The following RGS7 variants were observed in gnomAD, a reference collection of about 807,000 sequenced individuals.
The protein encoded by RGS7 is regulator of G protein signaling 7.
Under a neutral mutation model 81.1 loss-of-function variants are expected in RGS7, and 27 were observed. The observed-to-expected ratio is 0.33, with a 90% confidence interval of 0.25 to 0.46. RGS7 has a LOEUF of 0.46. RGS7 is among the 20% of genes least tolerant of loss of function. The probability of loss-of-function intolerance (pLI) is 1.00; values close to 1 mark genes in which losing one functional copy is unlikely to be tolerated. For synonymous variants in RGS7, 208 were observed against 207.7 expected, an observed-to-expected ratio of 1.00 and a Z score of -0.01; for missense variants, 396 against 607.4, an observed-to-expected ratio of 0.65 and a Z score of 3.66.
intron 2 of RGS7, among the ~76,000 whole-genome samples, chr1:241,187,413 T>C (rs575010486): frequency 6.6e-6 from 1 of 152,312 alleles, no homozygotes; most frequent in East Asian, 1.9e-4. Context: ...AGATTTACAC[T>C]AAGAATTAGA....
At chr1:240,899,323 CATT>C (rs1471359267) in intron 6 of RGS7, among the ~76,000 whole-genome samples, 1 of 152,158 alleles carries the variant, frequency 6.6e-6, no homozygotes, top group Non-Finnish European at 1.5e-5. Flanking sequence ...TTGATCCTGT[CATT>C]ATGATGTTCG....
At chr1:240,809,611 C>G (rs143497508) in intron 14 of RGS7, among the ~76,000 whole-genome samples, 2 of 152,124 alleles carry the variant, frequency 1.3e-5, no homozygotes, top group East Asian at 3.8e-4. Context: ...TCCTCAGCCA[C>G]GCTTTTCTCA....
intron 3 of RGS7, among the ~76,000 whole-genome samples, chr1:241,033,045 G>A (rs1447035476): frequency 6.6e-6 from 1 of 152,132 alleles, no homozygotes; most frequent in Admixed American, 6.6e-5. Context: ...CGGAAAAGTG[G>A]AAGTTCTGCT....
At chr1:240,994,731 A>G (rs547189641) in intron 3 of RGS7, among the ~76,000 whole-genome samples, 46 of 152,106 alleles carry the variant, frequency 3.0e-4, no homozygotes, top group African/African-American at 9.4e-4. Flanking sequence ...CTTGTTCTCA[A>G]TTTTAGAGGA....
intron 3 of RGS7, among the ~76,000 whole-genome samples, chr1:241,043,412 ATTT>A (rs143931955): frequency 0.07 from 10,640 of 151,190 alleles, 562 homozygotes; most frequent in African/African-American, 0.14. Context: ...GTTACTTTGT[ATTT>A]TTGTTATTTG....
chr1:240,989,628 A>G (rs1686171587), intron 3 of RGS7, among the ~76,000 whole-genome samples: 1 of 152,040 alleles, frequency 6.6e-6, no homozygotes, highest in Admixed American at 6.6e-5. Flanking sequence ...CCCTCAAGAA[A>G]GAATAAAGTT....
intron 2 of RGS7, among the ~76,000 whole-genome samples, chr1:241,221,793 C>T (rs1322161392): frequency 3.3e-5 from 5 of 152,206 alleles, no homozygotes; most frequent in Non-Finnish European, 5.9e-5. Context: ...ATCTACTCTT[C>T]TCTGGGTTTC....
chr1:241,207,090 T>A (rs1383747778), intron 2 of RGS7, among the ~76,000 whole-genome samples: 1 of 145,254 alleles, frequency 6.9e-6, no homozygotes, highest in Non-Finnish European at 1.5e-5. Context: ...TGCCTCAGCC[T>A]CCCGAGTAGC....
chr1:241,061,864 C>A (rs6664870), intron 3 of RGS7, among the ~76,000 whole-genome samples: 29,109 of 152,136 alleles, frequency 0.19, 3,042 homozygotes, highest in Non-Finnish European at 0.23. Context: ...CCCCATTGAA[C>A]CTTGACTCTG....
intron 18 of RGS7, among the ~76,000 whole-genome samples, chr1:240,788,944 C>A (rs886169118): frequency 6.6e-6 from 1 of 152,048 alleles, no homozygotes; most frequent in African/African-American, 2.4e-5. Context: ...TTGAGACCAG[C>A]CTTGCCAACA....
At chr1:241,250,887 T>C (rs550609131) in intron 2 of RGS7, among the ~76,000 whole-genome samples, 8 of 152,360 alleles carry the variant, frequency 5.3e-5, no homozygotes, top group Admixed American at 1.3e-4. Flanking sequence ...GGTTCTGCTG[T>C]ATTTGTTATT....
intron 2 of RGS7, among the ~76,000 whole-genome samples, chr1:241,178,285 C>T (rs191476403): frequency 1.1e-4 from 16 of 152,098 alleles, no homozygotes; most frequent in Non-Finnish European, 1.3e-4. Context: ...AAGCAAGACC[C>T]TGTCTCTAAA....
chr1:241,321,408 T>C (rs937806484), intron 2 of RGS7, among the ~76,000 whole-genome samples: 2 of 152,182 alleles, frequency 1.3e-5, no homozygotes, highest in African/African-American at 4.8e-5. Flanking sequence ...CCCAGGCGGA[T>C]TCAAACTCGA....
chr1:241,229,626 A>G (rs1170305947), intron 2 of RGS7, among the ~76,000 whole-genome samples: 1 of 152,294 alleles, frequency 6.6e-6, no homozygotes, highest in East Asian at 1.9e-4. Flanking sequence ...AAAATATTGA[A>G]AGAGCTTTTT....
At chr1:240,923,934 G>C (rs1324813016) in intron 6 of RGS7, among the ~76,000 whole-genome samples, 1 of 152,050 alleles carries the variant, frequency 6.6e-6, no homozygotes, top group Non-Finnish European at 1.5e-5. Flanking sequence ...AGCTATTCAA[G>C]GTTCAAGACA....
At chr1:241,289,833 C>T (rs2079001514) in intron 2 of RGS7, among the ~76,000 whole-genome samples, 1 of 151,952 alleles carries the variant, frequency 6.6e-6, no homozygotes, top group African/African-American at 2.4e-5. Context: ...AGCATGACTG[C>T]CTGCTGCTAC....
At chr1:240,870,197 A>G in intron 6 of RGS7, 78 bp from the exon 7 acceptor site, 1 of 1,241,272 alleles carries the variant, frequency 8.1e-7, no homozygotes, top group Non-Finnish European at 1.2e-6. Context: ...ATTACAAATC[A>G]AGGGCATTGC....
chr1:240,951,811 A>G (rs1399235696), intron 4 of RGS7, among the ~76,000 whole-genome samples: 1 of 152,064 alleles, frequency 6.6e-6, no homozygotes, highest in Non-Finnish European at 1.5e-5. Flanking sequence ...AGAAAAGTAA[A>G]TAACAAAAAA....
At chr1:241,087,821 T>C (rs894306647) in intron 3 of RGS7, among the ~76,000 whole-genome samples, 1 of 151,726 alleles carries the variant, frequency 6.6e-6, no homozygotes, top group African/African-American at 2.4e-5. Context: ...TGGCAGTGCA[T>C]GCCTGTAATC....
Sources: allele counts gnomAD v4.1 joint callset (sites outside exome capture counted in the v4.1 genomes callset), GRCh38; gene constraint gnomAD v4.1.1; transcripts MANE v1.5; gene names NCBI Gene and HGNC (gene_info 2026-07-23, HGNC 2026-07-21).